Variants in BOP1 observed in about 807,000 individuals in gnomAD.
The protein encoded by BOP1 is ribosome biogenesis protein BOP1.
A neutral mutation model predicts 82.9 loss-of-function variants in BOP1; 54 were observed. The ratio of observed to expected loss-of-function variants is 0.65; its 90% CI spans 0.52 to 0.82. The LOEUF (loss-of-function observed/expected upper bound fraction) is 0.82, where lower values mean the gene tolerates loss of function less well. BOP1 is among the 40% of genes least tolerant of loss of function. The probability of loss-of-function intolerance (pLI) is 0.00; values close to 1 mark genes in which losing one functional copy is unlikely to be tolerated. For synonymous variants in BOP1, 566 were observed against 451.1 expected, an observed-to-expected ratio of 1.25 and a Z score of -3.23; for missense variants, 1,170 against 1,072.0, an observed-to-expected ratio of 1.09 and a Z score of -1.28.
intron 1 of BOP1, among the ~76,000 whole-genome samples, chr8:144,289,852 A>G (rs2130277085): frequency 6.6e-6 from 1 of 152,336 alleles, no homozygotes; most frequent in Non-Finnish European, 1.5e-5. Context: ...GATTGGGACC[A>G]ACGATTGATC....
At position 144,289,754 on chromosome 8, in the gene BOP1, G is replaced by T. The variant is rs561084005; in HGVS notation, c.100-450C>A. Among the ~76,000 whole-genome samples the T allele has an allele frequency of 2.4e-4, 36 of 152,324 alleles. No homozygotes were observed. In the South Asian group the frequency reaches 7.5e-3, roughly 32 times the overall value. On this transcript the variant is annotated intron_variant, in intron 1 of 15. Coordinates refer to ENST00000569669, the MANE Select transcript of BOP1 (RefSeq NM_015201.5). ...GCATCCAAGGCCCCAGAGCCAAGAG[G>T]TCACTAGAAAAGGGGCTGGGGGCTG...
intron 2 of BOP1, among the ~76,000 whole-genome samples, chr8:144,287,147 T>C (rs1357090023): frequency 6.6e-6 from 1 of 152,078 alleles, no homozygotes; most frequent in Non-Finnish European, 1.5e-5. Flanking sequence ...GTAGCTGGGA[T>C]TACAGGCACG....
In BOP1 at chr8:144,275,252, C is replaced by T. The variant is rs1044272500; in HGVS notation, c.390+972G>A. 5.3e-4 allele frequency among the ~76,000 whole-genome samples: 80 copies of T among 152,282 alleles called. No homozygotes were observed. The East Asian group carries it at 0.01, about 20-fold the overall frequency. ...AGGGCCCAAAGGAGACTCTGCCTCA[C>T]ACCCAGGTGCTCCACTGGGACCACA... On this transcript the variant is annotated intron_variant, in intron 3 of 15. Coordinates refer to ENST00000569669, the MANE Select transcript of BOP1 (RefSeq NM_015201.5).
intron 1 of BOP1, among the ~76,000 whole-genome samples, chr8:144,290,245 T>C (rs1313416848): frequency 6.7e-6 from 1 of 149,502 alleles, no homozygotes; most frequent in African/African-American, 2.5e-5. Flanking sequence ...TCCCAGCTAC[T>C]CAGGAGGCTG....
chr8:144,266,390 C>A (rs1461556764), intron 3 of BOP1, among the ~76,000 whole-genome samples: 1 of 149,988 alleles, frequency 6.7e-6, no homozygotes, highest in African/African-American at 2.5e-5. Context: ...CTGAGAGGGG[C>A]GGGGCGTGCG....
At chr8:144,288,718 G>T (rs1554839735) in intron 2 of BOP1, among the ~76,000 whole-genome samples, 3 of 152,058 alleles carry the variant, frequency 2.0e-5, no homozygotes. Context: ...GCTGGGTTCC[G>T]TTGGGGCCCC....
At chr8:144,288,809 TCCCCACCTCAAGGAAAC>T (rs1814955597) in intron 2 of BOP1, among the ~76,000 whole-genome samples, 1 of 152,018 alleles carries the variant, frequency 6.6e-6, no homozygotes, top group Non-Finnish European at 1.5e-5. Context: ...AGCAGTAAAA[TCCCCACCTCAAGGAAAC>T]CCAACCTGTT....
intron 10 of BOP1, 40 bp from the exon 11 acceptor site, chr8:144,263,650 C>T: frequency 1.2e-6 from 2 of 1,603,484 alleles, no homozygotes; most frequent in African/African-American, 1.3e-5. Flanking sequence ...CTGGCCATCC[C>T]ACCTGCCCCC....
chr8:144,280,741 G>A (rs1227499252), intron 2 of BOP1, among the ~76,000 whole-genome samples: 10 of 152,282 alleles, frequency 6.6e-5, no homozygotes, highest in African/African-American at 1.7e-4. Context: ...TAATCACAGC[G>A]GGAGGCTGAG....
intron 2 of BOP1, among the ~76,000 whole-genome samples, chr8:144,287,928 C>T (rs1043010809): frequency 1.4e-4 from 22 of 152,240 alleles, no homozygotes; most frequent in African/African-American, 5.1e-4. Flanking sequence ...ACCGAAACTA[C>T]TGGGAGAGTA....
chr8:144,282,745 C>A (rs1845704790), intron 2 of BOP1, among the ~76,000 whole-genome samples: 1 of 152,050 alleles, frequency 6.6e-6, no homozygotes, highest in Non-Finnish European at 1.5e-5. Flanking sequence ...CACAGAGTAC[C>A]CTTCTTCACC....
At chr8:144,263,647 T>C in intron 10 of BOP1, 37 bp from the exon 11 acceptor site, 1 of 1,604,800 alleles carries the variant, frequency 6.2e-7, no homozygotes, top group Non-Finnish European at 8.5e-7. Context: ...CACCTGGCCA[T>C]CCCACCTGCC....
intron 3 of BOP1, among the ~76,000 whole-genome samples, chr8:144,267,764 G>A (rs1011394692): frequency 9.9e-5 from 15 of 152,202 alleles, no homozygotes; most frequent in Non-Finnish European, 2.2e-4. Flanking sequence ...TGCAGGAGAC[G>A]CTGGCCAGCT....
chr8:144,265,341 C>A (rs1249184398), intron 3 of BOP1: 1 of 574,284 alleles, frequency 1.7e-6, no homozygotes, highest in South Asian at 2.1e-5. Context: ...GAGCTCCCCC[C>A]TCACTGGATT....
chr8:144,286,360 C>G (rs1814868360), intron 2 of BOP1, among the ~76,000 whole-genome samples: 2 of 150,754 alleles, frequency 1.3e-5, no homozygotes, highest in African/African-American at 4.9e-5. Context: ...GCCTCAGCCC[C>G]TCAGCTAAAG....
chr8:144,289,493 C>T (rs1814973538), intron 1 of BOP1, among the ~76,000 whole-genome samples, 189 bp from the exon 2 acceptor site: 1 of 152,262 alleles, frequency 6.6e-6, no homozygotes, highest in African/African-American at 2.4e-5. Flanking sequence ...TCATCTTCTA[C>T]CTCCACTGAC....
chr8:144,268,272 T>C (rs968596792), intron 3 of BOP1: 2 of 1,379,078 alleles, frequency 1.5e-6, no homozygotes, highest in East Asian at 2.5e-5. Context: ...AGGCCAGCCC[T>C]GGCTGCGAGC....
At chr8:144,267,197 G>T in intron 3 of BOP1, 1 of 1,498,704 alleles carries the variant, frequency 6.7e-7, no homozygotes, top group Non-Finnish European at 8.8e-7. Context: ...ACGGGCCGTG[G>T]GGCGCCGAGG....
At chr8:144,266,450 T>C (rs1165435467) in intron 3 of BOP1, 1 of 960,156 alleles carries the variant, frequency 1.0e-6, no homozygotes, top group African/African-American at 1.8e-5. Context: ...GGGGCCCCGC[T>C]CCGGCCCGGG....
Sources: allele counts gnomAD v4.1 joint callset (sites outside exome capture counted in the v4.1 genomes callset), GRCh38; gene constraint gnomAD v4.1.1; transcripts MANE v1.5; gene names NCBI Gene and HGNC (gene_info 2026-07-23, HGNC 2026-07-21).